The following DDX10 variants were observed in gnomAD, a reference collection of about 807,000 sequenced individuals.
The protein encoded by DDX10 is probable ATP-dependent RNA helicase DDX10.
Under a neutral mutation model 104.3 loss-of-function variants are expected in DDX10, and 74 were observed. The observed-to-expected ratio is 0.71, with a 90% CI of 0.59 to 0.86. DDX10 has a LOEUF of 0.86. DDX10 is among the 40% of genes least tolerant of loss of function. The pLI is 0.00. For missense variants in DDX10, 952 were observed against 1,040.0 expected (o/e 0.92, Z 1.16); for synonymous variants, 351 against 353.4 (o/e 0.99, Z 0.08).
chr11:108,777,411 C>T (rs2094371390), intron 13 of DDX10, among the ~76,000 whole-genome samples: 1 of 152,070 alleles, frequency 6.6e-6, no homozygotes, highest in South Asian at 2.1e-4. Context: ...CTCACTGCAA[C>T]CTCTGCCTCC....
In DDX10 at chr11:108,675,683, C is replaced by T. The variant is rs781279474; in HGVS notation, c.335C>T (p.Ala112Val). Residue 112 changes from alanine (A) to valine (V), a missense_variant, in exon 3 of 18, where the codon GCG (alanine) becomes GTG (valine). Ala to Val is a moderately conservative substitution (Grantham distance 64). Coordinates refer to ENST00000322536, the MANE Select transcript of DDX10 (RefSeq NM_004398.4). ...LALQGKDVLG[A>V]AKTGSGKTLA... ...TTGCAAGGTAAAGATGTACTTGGAG[C>T]GGCCAAAACTGGATCTGGCAAGACT... The T allele has an allele frequency of 1.4e-5, 22 of 1,614,008 alleles. No individual in the cohort carries two copies. The highest frequency in any genetic ancestry group is 4.5e-5 in the East Asian group (2 of 44,898).
At chr11:108,932,221 C>T (rs184176776) in intron 17 of DDX10, among the ~76,000 whole-genome samples, 1 of 151,982 alleles carries the variant, frequency 6.6e-6, no homozygotes, top group East Asian at 1.9e-4. Flanking sequence ...TGAAATTTGG[C>T]CAACAGGTAT....
At chr11:108,882,520 G>A (rs1176834231) in intron 16 of DDX10, among the ~76,000 whole-genome samples, 3 of 152,148 alleles carry the variant, frequency 2.0e-5, no homozygotes, top group African/African-American at 7.2e-5. Flanking sequence ...TCCACCTTGT[G>A]AAGAAACATG....
intron 9 of DDX10, among the ~76,000 whole-genome samples, chr11:108,701,236 A>T (rs192340367): frequency 6.6e-5 from 10 of 152,264 alleles, no homozygotes; most frequent in Admixed American, 6.5e-4. Flanking sequence ...TGCAGGAGGA[A>T]CAGAACAGTT....
intron 13 of DDX10, among the ~76,000 whole-genome samples, chr11:108,729,116 C>A (rs1565260716): frequency 6.6e-6 from 1 of 152,128 alleles, no homozygotes; most frequent in Admixed American, 6.5e-5. Context: ...CTCATGTAAA[C>A]ACTTACTTTA....
intron 13 of DDX10, among the ~76,000 whole-genome samples, chr11:108,726,409 G>A (rs1311776953): frequency 1.3e-5 from 2 of 152,002 alleles, no homozygotes; most frequent in Non-Finnish European, 2.9e-5. Context: ...CACATGTAAT[G>A]TGCACATATT....
chr11:108,935,888 A>G (rs891895926), intron 17 of DDX10, among the ~76,000 whole-genome samples: 2 of 152,204 alleles, frequency 1.3e-5, no homozygotes, highest in South Asian at 2.1e-4. Flanking sequence ...TTGTCTCTCA[A>G]GAAAGTTAAT....
intron 9 of DDX10, among the ~76,000 whole-genome samples, chr11:108,695,821 G>C (rs1434259657): frequency 1.3e-5 from 2 of 149,424 alleles, no homozygotes; most frequent in African/African-American, 4.9e-5. Context: ...CTTTAAACGT[G>C]GTTTATAATA....
intron 16 of DDX10, among the ~76,000 whole-genome samples, chr11:108,891,875 G>T (rs753137810): frequency 1.3e-5 from 2 of 149,634 alleles, no homozygotes; most frequent in Non-Finnish European, 2.9e-5. Context: ...AGCTAACAGG[G>T]TAGTATAAAA....
At chr11:108,800,477 A>G (rs945057878) in intron 13 of DDX10, among the ~76,000 whole-genome samples, 2 of 148,744 alleles carry the variant, frequency 1.3e-5, no homozygotes, top group South Asian at 4.3e-4. Context: ...ATCTTAACAT[A>G]TACTGCCTTG....
At chr11:108,696,248 C>G (rs550421443) in intron 9 of DDX10, among the ~76,000 whole-genome samples, 1 of 152,246 alleles carries the variant, frequency 6.6e-6, no homozygotes, top group African/African-American at 2.4e-5. Flanking sequence ...ACAATCTCAG[C>G]TCACTGCAAC....
intron 7 of DDX10, chr11:108,690,458 AG>A (rs2094250725): frequency 6.5e-6 from 1 of 153,776 alleles, no homozygotes; most frequent in East Asian, 1.9e-4. Flanking sequence ...CAGCACAGAG[AG>A]GGTCTGTCAC....
intron 13 of DDX10, among the ~76,000 whole-genome samples, chr11:108,768,197 A>AT (rs995019922): frequency 5.3e-5 from 8 of 152,118 alleles, no homozygotes; most frequent in African/African-American, 1.9e-4. Context: ...TTACATGTGG[A>AT]TTTTTGACTG....
At chr11:108,673,603 T>C in intron 2 of DDX10, 76 bp downstream of exon 2, 1 of 1,114,518 alleles carries the variant, frequency 9.0e-7, no homozygotes, top group African/African-American at 1.6e-5. Context: ...ATTTAGAGGG[T>C]TTAGCCTGAA....
At chr11:108,823,116 G>A (rs2726871) in intron 13 of DDX10, among the ~76,000 whole-genome samples, 1 of 151,996 alleles carries the variant, frequency 6.6e-6, no homozygotes, top group African/African-American at 2.4e-5. Context: ...AATAATTCCA[G>A]TGTTTTTTTA....
chr11:108,793,083 A>G (rs998225994), intron 13 of DDX10, among the ~76,000 whole-genome samples: 12 of 152,286 alleles, frequency 7.9e-5, no homozygotes, highest in Middle Eastern at 6.8e-3. Flanking sequence ...CATTAAAGAT[A>G]TGCGTCGTAG....
intron 16 of DDX10, among the ~76,000 whole-genome samples, chr11:108,910,801 CTGTGTCTGTG>C (rs1565316195): frequency 2.2e-5 from 2 of 92,428 alleles, no homozygotes; most frequent in South Asian, 3.4e-4. Flanking sequence ...CTGTGTGTGT[CTGTGTCTGTG>C]TGTGTCTGTA....
rs147377939 is a variant in DDX10, at chr11:108,772,606, C to T, written c.1965+49144C>T. The stretch of plus-strand genomic sequence containing the variant: ...TTCTAGAACTTAAAATAAATGCCGT[C>T]GAAAGGCCATGAAGTTTGTGGGAAT... On this transcript the variant is annotated intron_variant, in intron 13 of 17. Transcript: ENST00000322536. Among the ~76,000 whole-genome samples the T allele has an allele frequency of 2.2e-3, 330 of 152,288 alleles. 2 individuals carry two copies. Among genetic ancestry groups the T allele is most frequent in the Non-Finnish European group, 3.4e-3 (231 of 68,018 alleles).
intron 1 of DDX10, 139 bp from the exon 2 acceptor site, chr11:108,673,328 A>G: frequency 1.6e-6 from 1 of 639,474 alleles, no homozygotes; most frequent in Non-Finnish European, 2.8e-6. Context: ...TTACAGAAGG[A>G]ATGATGGCTT....
Sources: allele counts gnomAD v4.1 joint callset (sites outside exome capture counted in the v4.1 genomes callset), GRCh38; gene constraint gnomAD v4.1.1; transcripts MANE v1.5; gene names NCBI Gene and HGNC (gene_info 2026-07-23, HGNC 2026-07-21).